The following FOCAD variants were observed in gnomAD, a reference collection of about 807,000 sequenced individuals.
FOCAD encodes focadhesin.
Under a neutral mutation model 225.6 loss-of-function variants are expected in FOCAD, and 198 were observed. The observed-to-expected ratio is 0.88, with a 90% CI of 0.78 to 0.99. FOCAD has a LOEUF of 0.99. FOCAD is among the 50% of genes least tolerant of loss of function. The pLI, the probability that FOCAD is intolerant of heterozygous loss-of-function variation, is 0.00. For missense variants in FOCAD, 2,713 were observed against 2,123.6 expected, an observed-to-expected ratio of 1.28 and a Z score of -5.46; for synonymous variants, 897 against 755.0, an observed-to-expected ratio of 1.19 and a Z score of -3.08.
chr9:20,755,928 G>A (rs1829003227), intron 5 of FOCAD, among the ~76,000 whole-genome samples: 1 of 152,052 alleles, frequency 6.6e-6, no homozygotes, highest in South Asian at 2.1e-4. Context: ...CCAAAGTGCT[G>A]GGATTACAGG....
intron 28 of FOCAD, among the ~76,000 whole-genome samples, chr9:20,939,914 C>T (rs956992604): frequency 6.8e-6 from 1 of 146,288 alleles, no homozygotes; most frequent in African/African-American, 2.5e-5. Context: ...CCCTCCACCC[C>T]ACGACAGGCC....
At chr9:20,698,298 TG>T (rs1215560351) in intron 1 of FOCAD, among the ~76,000 whole-genome samples, 5 of 152,158 alleles carry the variant, frequency 3.3e-5, no homozygotes, top group African/African-American at 4.8e-5. Context: ...TTTGCCTATT[TG>T]TTTTTTTAAT....
chr9:20,811,294 A>G (rs1431578551), intron 11 of FOCAD, among the ~76,000 whole-genome samples: 3 of 152,106 alleles, frequency 2.0e-5, no homozygotes, highest in Non-Finnish European at 4.4e-5. Flanking sequence ...TCCGAAATTC[A>G]GTACAAGCTT....
intron 21 of FOCAD, among the ~76,000 whole-genome samples, chr9:20,901,790 A>C (rs1167443669): frequency 6.6e-6 from 1 of 151,938 alleles, no homozygotes; most frequent in Non-Finnish European, 1.5e-5. Context: ...TTAAAAGTTT[A>C]CAGAATTTCA....
intron 15 of FOCAD, among the ~76,000 whole-genome samples, chr9:20,849,406 T>G (rs1185746002): frequency 6.6e-6 from 1 of 151,922 alleles, no homozygotes; most frequent in Non-Finnish European, 1.5e-5. Context: ...TTTTTTAAAC[T>G]ATTGTTATAT....
intron 43 of FOCAD, among the ~76,000 whole-genome samples, 184 bp downstream of exon 43, chr9:20,993,512 T>C (rs573146687): frequency 6.6e-6 from 1 of 152,308 alleles, no homozygotes; most frequent in Admixed American, 6.5e-5. Context: ...AGGAGATGCT[T>C]TGGGGATGGA....
intron 35 of FOCAD, among the ~76,000 whole-genome samples, chr9:20,971,285 A>G (rs1358276441): frequency 1.3e-5 from 2 of 152,176 alleles, no homozygotes; most frequent in East Asian, 3.8e-4. Context: ...TAACCACAAA[A>G]TCAAAAATTA....
At chr9:20,836,757 T>A (rs896108049) in intron 15 of FOCAD, among the ~76,000 whole-genome samples, 2 of 152,132 alleles carry the variant, frequency 1.3e-5, no homozygotes, top group South Asian at 4.1e-4. Context: ...AAATTTTAAC[T>A]GACTGTGTTA....
intron 4 of FOCAD, among the ~76,000 whole-genome samples, chr9:20,732,292 C>T (rs1361446963): frequency 6.6e-6 from 1 of 152,154 alleles, no homozygotes; most frequent in Non-Finnish European, 1.5e-5. Context: ...TTGACTTAGT[C>T]ATGGTGGTAA....
intron 7 of FOCAD, among the ~76,000 whole-genome samples, chr9:20,768,141 T>G (rs916990855): frequency 6.7e-6 from 1 of 148,992 alleles, no homozygotes; most frequent in African/African-American, 2.5e-5. Flanking sequence ...GTTGTAGATA[T>G]GCGGCGTTAT....
intron 15 of FOCAD, among the ~76,000 whole-genome samples, chr9:20,858,537 C>A (rs1322230408): frequency 6.6e-6 from 1 of 151,964 alleles, no homozygotes; most frequent in Non-Finnish European, 1.5e-5. Context: ...TTTTACTCAT[C>A]TTTTCAAGAA....
At chr9:20,697,343 A>G (rs1257124286) in intron 1 of FOCAD, among the ~76,000 whole-genome samples, 1 of 152,162 alleles carries the variant, frequency 6.6e-6, no homozygotes, top group Admixed American at 6.5e-5. Flanking sequence ...TGTCAGTCAT[A>G]TATGCCATTC....
chr9:20,878,526 C>A (rs1830412939), intron 19 of FOCAD, among the ~76,000 whole-genome samples: 1 of 152,198 alleles, frequency 6.6e-6, no homozygotes, highest in Non-Finnish European at 1.5e-5. Flanking sequence ...CTTATCACAA[C>A]CCCTTTTCGT....
At chr9:20,854,653 A>C (rs1290394232) in intron 15 of FOCAD, among the ~76,000 whole-genome samples, 3 of 151,784 alleles carry the variant, frequency 2.0e-5, no homozygotes, top group African/African-American at 7.2e-5. Flanking sequence ...ATGACATGGG[A>C]AAAGTATCAT....
At chr9:20,893,966 C>A (rs1168375263) in intron 21 of FOCAD, among the ~76,000 whole-genome samples, 1 of 152,106 alleles carries the variant, frequency 6.6e-6, no homozygotes, top group Non-Finnish European at 1.5e-5. Flanking sequence ...TGCATATAAT[C>A]ATATAATCAT....
chr9:20,769,793 G>T (rs751928939), intron 7 of FOCAD, among the ~76,000 whole-genome samples: 2 of 152,136 alleles, frequency 1.3e-5, no homozygotes, highest in Admixed American at 1.3e-4. Context: ...TGAAAGAAAA[G>T]AAATTTGTAC....
At chr9:20,714,296 C>T (rs1825121588) in intron 1 of FOCAD, among the ~76,000 whole-genome samples, 1 of 152,142 alleles carries the variant, frequency 6.6e-6, no homozygotes, top group Admixed American at 6.5e-5. Context: ...TTTGTATTTT[C>T]AGATTAGGGT....
chr9:20,845,245 G>C (rs1826960406), intron 15 of FOCAD, among the ~76,000 whole-genome samples: 1 of 151,916 alleles, frequency 6.6e-6, no homozygotes, highest in Admixed American at 6.6e-5. Context: ...ATATGGATTA[G>C]CAGAATTAGA....
In FOCAD at chr9:20,727,215, TC is replaced by T. The variant is rs1385779959; in HGVS notation, c.287+6682del. ...TCCCCCTTGAAAATCCCAGAATTTC[TC>T]TCAACTTTCAGTTCCTAATCAGAAA... On this transcript the variant is annotated intron_variant, in intron 4 of 43. Coordinates refer to ENST00000338382, the MANE Select transcript of FOCAD (RefSeq NM_001375567.1). Among the ~76,000 whole-genome samples, 12 of 152,242 alleles carry T rather than the reference TC, an allele frequency of 7.9e-5. 1 individual carries two copies. The highest frequency in any genetic ancestry group is 3.3e-4 in the Admixed American group (5 of 15,286).
Sources: allele counts gnomAD v4.1 joint callset (sites outside exome capture counted in the v4.1 genomes callset), GRCh38; gene constraint gnomAD v4.1.1; transcripts MANE v1.5; gene names NCBI Gene and HGNC (gene_info 2026-07-23, HGNC 2026-07-21).